DIAPH2: variants seen among roughly 807,000 people sequenced by gnomAD.
The protein encoded by DIAPH2 is protein diaphanous homolog 2.
In DIAPH2, 35 loss-of-function variants were observed where a neutral mutation model predicts 92.7. The ratio of observed to expected loss-of-function variants is 0.38; its 90% CI spans 0.29 to 0.50. The LOEUF (loss-of-function observed/expected upper bound fraction) is 0.50, where lower values mean the gene tolerates loss of function less well. Ranked by LOEUF, DIAPH2 falls within the 20% of genes least tolerant of loss-of-function variation. The pLI is 0.94. For synonymous variants in DIAPH2, 301 were observed against 280.4 expected (o/e 1.07, Z -0.73); for missense variants, 701 against 819.5 (o/e 0.86, Z 1.77).
chrX:96,723,916 A>ATTTTTTT (rs149595440), intron 1 of DIAPH2, among the ~76,000 whole-genome samples: 6 of 71,267 alleles, frequency 8.4e-5, no homozygotes, highest in South Asian at 7.9e-4. Flanking sequence ...TGATTCTATA[A>ATTTTTTT]TTTTTTTTTT....
At chrX:96,831,349 A>G (rs2064853586) in intron 4 of DIAPH2, among the ~76,000 whole-genome samples, 1 of 111,936 alleles carries the variant, frequency 8.9e-6, no homozygotes, top group African/African-American at 3.2e-5. Context: ...CTGTTTCTCT[A>G]GAATATGGAA....
chrX:97,418,016 G>T (rs2069967250), intron 25 of DIAPH2, among the ~76,000 whole-genome samples: 1 of 111,658 alleles, frequency 9.0e-6, no homozygotes, highest in African/African-American at 3.3e-5. Context: ...TGACTCCTGG[G>T]CAAGGAGCAT....
At chrX:97,450,306 G>A (rs970464898) in intron 26 of DIAPH2, among the ~76,000 whole-genome samples, 7 of 111,535 alleles carry the variant, frequency 6.3e-5, no homozygotes, top group African/African-American at 2.3e-4. Flanking sequence ...ACAGTGGTTC[G>A]AATGTAAGGG....
chrX:96,783,294 G>A (rs186406385), intron 4 of DIAPH2, among the ~76,000 whole-genome samples: 1 of 112,260 alleles, frequency 8.9e-6, no homozygotes, highest in African/African-American at 3.2e-5. Flanking sequence ...TTGGTTTAAC[G>A]ACAAGAGAAA....
chrX:97,152,037 T>C (rs2067289431), intron 22 of DIAPH2, among the ~76,000 whole-genome samples: 1 of 111,712 alleles, frequency 9.0e-6, no homozygotes, highest in African/African-American at 3.3e-5. Context: ...CTTGTACTAC[T>C]ATGGAAATAG....
intron 9 of DIAPH2, among the ~76,000 whole-genome samples, chrX:96,927,218 C>G (rs1357753153): frequency 9.2e-6 from 1 of 109,097 alleles, no homozygotes; most frequent in Non-Finnish European, 1.9e-5. Flanking sequence ...GCATATTGGA[C>G]CAGAGTATTT....
In DIAPH2 at chrX:97,027,865, C is replaced by T. The variant is rs146309937; in HGVS notation, c.2051-45076C>T. On this transcript the variant is annotated intron_variant, in intron 17 of 26. Transcript: ENST00000324765. ...TGAGGCGCTTGTAAACATTGAGTCT[C>T]CCTATGTTTCTTTCTAAACTTTTCT... Among the ~76,000 whole-genome samples the T allele has an allele frequency of 6.4e-3, 719 of 112,198 alleles. 6 individuals are homozygous for T. Among genetic ancestry groups the T allele is most frequent in the African/African-American group, 0.023 (701 of 30,880 alleles).
intron 19 of DIAPH2, among the ~76,000 whole-genome samples, chrX:97,098,223 A>C (rs1441939654): frequency 9.0e-6 from 1 of 111,577 alleles, no homozygotes; most frequent in Non-Finnish European, 1.9e-5. Flanking sequence ...AAAACTAACC[A>C]TTTTACCCTT....
chrX:97,522,312 AGTTT>A (rs1409832427), intron 26 of DIAPH2, among the ~76,000 whole-genome samples: 1 of 111,587 alleles, frequency 9.0e-6, no homozygotes, highest in Non-Finnish European at 1.9e-5. Context: ...GTAGACTATC[AGTTT>A]GTTTATTTTT....
chrX:97,120,230 T>A (rs762946165), intron 21 of DIAPH2, among the ~76,000 whole-genome samples: 15 of 110,870 alleles, frequency 1.4e-4, no homozygotes, highest in Non-Finnish European at 2.3e-4. Context: ...TGCTGCTTCC[T>A]CTACCCCTGT....
intron 23 of DIAPH2, among the ~76,000 whole-genome samples, chrX:97,320,128 A>G (rs923604303): frequency 7.5e-5 from 8 of 106,774 alleles, no homozygotes; most frequent in Non-Finnish European, 1.5e-4. Flanking sequence ...TATATAATTG[A>G]TAATAAAAAT....
chrX:97,185,391 ATG>A lies in DIAPH2; in HGVS notation c.2719+43601_2719+43602del, dbSNP rs1158026046. On this transcript the variant is annotated intron_variant, in intron 22 of 26. Coordinates refer to ENST00000324765, the MANE Select transcript of DIAPH2 (RefSeq NM_006729.5). ...TATGTATATATATATGTATATATATATGTGTATATATATATATATGTATATAT... is the reference window on the plus strand; with the variant it reads ...TATGTATATATATATGTATATATATATGTATATATATATATATGTATATAT... Among the ~76,000 whole-genome samples the A allele has an allele frequency of 3.7e-4, 10 of 27,362 alleles. 1 individual carries two copies. Among genetic ancestry groups the A allele is most frequent in the Non-Finnish European group, 4.7e-4 (9 of 19,199 alleles). The allele number at this position is 27,362 out of a possible 115,157, so 23.8% of individuals were successfully genotyped here.
intron 17 of DIAPH2, among the ~76,000 whole-genome samples, chrX:97,035,603 G>A (rs1432429555): frequency 1.8e-5 from 2 of 112,002 alleles, no homozygotes; most frequent in Non-Finnish European, 3.8e-5. Context: ...TGGTCATAGT[G>A]TATTCCAGAA....
intron 5 of DIAPH2, among the ~76,000 whole-genome samples, chrX:96,886,207 G>T (rs764256742): frequency 1.3e-3 from 145 of 109,794 alleles, no homozygotes; most frequent in Admixed American, 3.4e-3. Context: ...GACCATTAAC[G>T]AAAGCCCTCA....
At chrX:97,532,735 A>G (rs1474217241) in intron 26 of DIAPH2, among the ~76,000 whole-genome samples, 1 of 112,339 alleles carries the variant, frequency 8.9e-6, no homozygotes, top group Non-Finnish European at 1.9e-5. Context: ...ACAATCTTAA[A>G]CTGGTAAATA....
intron 26 of DIAPH2, chrX:97,441,978 C>T (rs1239775713): frequency 8.9e-6 from 1 of 112,383 alleles, no homozygotes; most frequent in African/African-American, 3.2e-5. Flanking sequence ...TGAGCATGGA[C>T]CATTTATCCC....
At chrX:97,299,860 A>G (rs1341146311) in intron 23 of DIAPH2, among the ~76,000 whole-genome samples, 1 of 112,246 alleles carries the variant, frequency 8.9e-6, no homozygotes, top group African/African-American at 3.2e-5. Flanking sequence ...TCTATATGTC[A>G]TATATTTAAA....
chrX:97,095,496 AAT>A (rs940632211), intron 19 of DIAPH2, among the ~76,000 whole-genome samples: 18 of 107,674 alleles, frequency 1.7e-4, no homozygotes, highest in African/African-American at 5.7e-4. Context: ...ATATATATAT[AAT>A]ATATATATAA....
rs372694845 is a variant in DIAPH2, at chrX:97,162,108, A to C, written c.2719+20314A>C. Among the ~76,000 whole-genome samples the C allele has an allele frequency of 9.1e-4, 101 of 110,849 alleles. No individual in the cohort carries two copies. In the South Asian group the frequency reaches 0.037, roughly 40 times the overall value. On this transcript the variant is annotated intron_variant, in intron 22 of 26. Coordinates refer to ENST00000324765, the MANE Select transcript of DIAPH2 (RefSeq NM_006729.5). The stretch of plus-strand genomic sequence containing the variant: ...CTCTTAATATTACCTTAATATTATC[A>C]ATTTCTTGAGAATTATCTTCCAATG...
Sources: allele counts gnomAD v4.1 joint callset (sites outside exome capture counted in the v4.1 genomes callset), GRCh38; gene constraint gnomAD v4.1.1; transcripts MANE v1.5; gene names NCBI Gene and HGNC (gene_info 2026-07-23, HGNC 2026-07-21).